WWOX: variants seen among roughly 807,000 people sequenced by gnomAD.
The protein encoded by WWOX is WW domain-containing oxidoreductase.
In WWOX, 69 loss-of-function variants were observed where a neutral mutation model predicts 46.2. The ratio of observed to expected loss-of-function variants is 1.49; its 90% CI spans 1.23 to 1.82. The LOEUF (loss-of-function observed/expected upper bound fraction) is 1.82. WWOX is among the 40% of genes most tolerant of loss of function. WWOX has a pLI of 0.00. For missense variants in WWOX, 919 were observed against 542.6 expected (o/e 1.69, Z -6.89); for synonymous variants, 359 against 202.6 (o/e 1.77, Z -6.56).
intron 8 of WWOX, among the ~76,000 whole-genome samples, chr16:78,999,360 C>T (rs2047050503): frequency 6.6e-6 from 1 of 152,144 alleles, no homozygotes; most frequent in Non-Finnish European, 1.5e-5. Flanking sequence ...ATCCCAGCTA[C>T]TCGAGAGGCT....
chr16:78,506,188 G>A (rs988044484), intron 8 of WWOX, among the ~76,000 whole-genome samples: 1 of 152,196 alleles, frequency 6.6e-6, no homozygotes, highest in Non-Finnish European at 1.5e-5. Context: ...ATCGGAGGCA[G>A]CCCTCCAAAC....
At chr16:78,813,333 C>G (rs148988074) in intron 8 of WWOX, among the ~76,000 whole-genome samples, 247 of 151,974 alleles carry the variant, frequency 1.6e-3, no homozygotes, top group Non-Finnish European at 2.5e-3. Context: ...AAAAAACACT[C>G]AGAAATTTAA....
intron 8 of WWOX, among the ~76,000 whole-genome samples, chr16:78,680,463 A>G (rs892480159): frequency 1.3e-5 from 2 of 151,754 alleles, no homozygotes; most frequent in South Asian, 4.2e-4. Context: ...GAGCCCCGGG[A>G]GGTAGAGGCA....
chr16:79,155,646 T>A (rs994692119), intron 8 of WWOX, among the ~76,000 whole-genome samples: 1 of 145,954 alleles, frequency 6.9e-6, no homozygotes, highest in Non-Finnish European at 1.5e-5. Flanking sequence ...GCGCATGAAT[T>A]GCTTGGGGGA....
chr16:79,148,461 C>G (rs949533713), intron 8 of WWOX, among the ~76,000 whole-genome samples: 1 of 152,150 alleles, frequency 6.6e-6, no homozygotes, highest in African/African-American at 2.4e-5. Flanking sequence ...GTCTTCATTA[C>G]TATAGCTATG....
intron 8 of WWOX, among the ~76,000 whole-genome samples, chr16:78,910,818 G>A (rs916080953): frequency 6.6e-6 from 1 of 151,766 alleles, no homozygotes; most frequent in South Asian, 2.1e-4. Context: ...CCTCTCACCG[G>A]GTCCCTCCCA....
intron 5 of WWOX, among the ~76,000 whole-genome samples, chr16:78,218,139 G>C (rs1282183734): frequency 6.6e-6 from 1 of 151,996 alleles, no homozygotes; most frequent in Non-Finnish European, 1.5e-5. Context: ...ACTGCAGCCT[G>C]TAACTCCCAG....
At chr16:78,905,828 T>C (rs1455125733) in intron 8 of WWOX, among the ~76,000 whole-genome samples, 1 of 152,194 alleles carries the variant, frequency 6.6e-6, no homozygotes, top group Admixed American at 6.5e-5. Flanking sequence ...AATCTGGATT[T>C]CAAATGCTAG....
At position 78,896,571 on chromosome 16, in the gene WWOX, C is replaced by G. The variant is rs561615637; in HGVS notation, c.1057-315037C>G. On this transcript the variant is annotated intron_variant, in intron 8 of 8. Transcript: ENST00000566780. ...GCAAACGCATCATAATGACCTGGGA[C>G]ATATGACACTGAAGCCTACTCTCTT... The G allele has an allele frequency of 7.9e-5, 12 of 152,258 alleles. No individual in the cohort carries two copies. The East Asian group carries it at 1.9e-3, about 24-fold the overall frequency. The allele number at this position is 152,258 out of a possible 1,614,324, so 9.4% of individuals were successfully genotyped here.
chr16:78,667,166 G>C (rs1465814985), intron 8 of WWOX, among the ~76,000 whole-genome samples: 1 of 152,070 alleles, frequency 6.6e-6, no homozygotes, highest in Non-Finnish European at 1.5e-5. Flanking sequence ...GTGTTTGCTA[G>C]TAGCTTCCAT....
intron 8 of WWOX, among the ~76,000 whole-genome samples, chr16:78,736,335 C>A (rs2049091365): frequency 6.6e-6 from 1 of 152,060 alleles, no homozygotes; most frequent in Non-Finnish European, 1.5e-5. Flanking sequence ...GCAAGGTGGA[C>A]AAGGATGCCA....
intron 8 of WWOX, among the ~76,000 whole-genome samples, chr16:79,119,981 A>G (rs541679245): frequency 1.3e-5 from 2 of 152,298 alleles, no homozygotes; most frequent in East Asian, 3.9e-4. Context: ...ACTTTCCTAC[A>G]GTCCAGTGTC....
chr16:79,139,318 C>G (rs1236782097), intron 8 of WWOX, among the ~76,000 whole-genome samples: 1 of 152,312 alleles, frequency 6.6e-6, no homozygotes, highest in African/African-American at 2.4e-5. Flanking sequence ...GCTACAGAAG[C>G]AAAGTGTTGG....
chr16:78,880,848 T>G (rs1321495816), intron 8 of WWOX, among the ~76,000 whole-genome samples: 2 of 152,208 alleles, frequency 1.3e-5, no homozygotes, highest in Non-Finnish European at 2.9e-5. Flanking sequence ...AGTTCACGAT[T>G]CAGAGAAATG....
intron 8 of WWOX, among the ~76,000 whole-genome samples, chr16:78,489,768 C>T (rs2084734088): frequency 6.6e-6 from 1 of 152,104 alleles, no homozygotes; most frequent in Non-Finnish European, 1.5e-5. Context: ...TTTGGAAACC[C>T]TCCTAACATG....
chr16:78,304,285 T>C (rs1239953179), intron 5 of WWOX, among the ~76,000 whole-genome samples: 1 of 152,234 alleles, frequency 6.6e-6, no homozygotes, highest in East Asian at 1.9e-4. Context: ...TCTACCTTTT[T>C]GAATGCTATA....
At chr16:78,919,358 C>T (rs1484877903) in intron 8 of WWOX, among the ~76,000 whole-genome samples, 1 of 151,960 alleles carries the variant, frequency 6.6e-6, no homozygotes, top group Non-Finnish European at 1.5e-5. Context: ...CTAGAATTTG[C>T]ATCCAGGCAG....
intron 8 of WWOX, among the ~76,000 whole-genome samples, chr16:78,475,072 A>G (rs978401580): frequency 6.6e-6 from 1 of 152,206 alleles, no homozygotes; most frequent in African/African-American, 2.4e-5. Context: ...TGTCAGGTGC[A>G]TAAATCTGTG....
chr16:78,374,034 G>T (rs1055074464), intron 5 of WWOX, among the ~76,000 whole-genome samples: 1 of 152,172 alleles, frequency 6.6e-6, no homozygotes, highest in African/African-American at 2.4e-5. Flanking sequence ...TGGTCTGCCC[G>T]CCTTGGCCTC....
Sources: allele counts gnomAD v4.1 joint callset (sites outside exome capture counted in the v4.1 genomes callset), GRCh38; gene constraint gnomAD v4.1.1; transcripts MANE v1.5; gene names NCBI Gene and HGNC (gene_info 2026-07-23, HGNC 2026-07-21).